The following HIPK2 variants were observed in gnomAD, a reference collection of about 807,000 sequenced individuals.
HIPK2 encodes homeodomain-interacting protein kinase 2.
A neutral mutation model predicts 113.7 loss-of-function variants in HIPK2; 27 were observed. The observed-to-expected ratio is 0.24, with a 90% confidence interval of 0.17 to 0.33. The LOEUF (loss-of-function observed/expected upper bound fraction) is 0.33, where lower values mean the gene tolerates loss of function less well. Among genes scored for constraint, HIPK2 ranks in the 10% least tolerant of loss-of-function variants. The pLI is 1.00. For missense variants in HIPK2, 1,257 were observed against 1,588.0 expected (o/e 0.79, Z 3.54); for synonymous variants, 631 against 642.2 (o/e 0.98, Z 0.26).
chr7:139,741,397 CATT>C (rs1796095583), intron 1 of HIPK2, among the ~76,000 whole-genome samples: 1 of 152,202 alleles, frequency 6.6e-6, no homozygotes, highest in African/African-American at 2.4e-5. Context: ...CCTCTTGCAA[CATT>C]TCACTTGTCC....
At chr7:139,753,561 T>G (rs1255061008) in intron 1 of HIPK2, among the ~76,000 whole-genome samples, 3 of 152,196 alleles carry the variant, frequency 2.0e-5, no homozygotes, top group African/African-American at 7.2e-5. Flanking sequence ...ATCTTTCAGC[T>G]CAGAGTGCAT....
At chr7:139,626,570 C>G (rs1175532989) in intron 6 of HIPK2, 31 bp downstream of exon 6, 1 of 1,598,900 alleles carries the variant, frequency 6.3e-7, no homozygotes, top group Non-Finnish European at 8.5e-7. Flanking sequence ...TTTGCCGATC[C>G]CTGGTACGAA....
At chr7:139,633,854 A>C (rs1800708763) in intron 2 of HIPK2, among the ~76,000 whole-genome samples, 1 of 151,976 alleles carries the variant, frequency 6.6e-6, no homozygotes, top group Non-Finnish European at 1.5e-5. Context: ...CTGAGGCATG[A>C]GAATCGCTTG....
chr7:139,606,220 T>C (rs1799611200), intron 9 of HIPK2, among the ~76,000 whole-genome samples: 1 of 152,238 alleles, frequency 6.6e-6, no homozygotes. Flanking sequence ...TAATGGATAT[T>C]GTGTGCCAAA....
At chr7:139,608,886 T>C (rs996596740) in intron 9 of HIPK2, among the ~76,000 whole-genome samples, 1 of 152,218 alleles carries the variant, frequency 6.6e-6, no homozygotes, top group African/African-American at 2.4e-5. Context: ...AGCCAACAGT[T>C]TGTTTTCAGG....
At chr7:139,772,152 C>T (rs947887862) in intron 1 of HIPK2, among the ~76,000 whole-genome samples, 1 of 152,212 alleles carries the variant, frequency 6.6e-6, no homozygotes, top group Non-Finnish European at 1.5e-5. Flanking sequence ...TCTTTTTCCA[C>T]AATTCCCTGA....
At chr7:139,726,791 T>C (rs533274897) in intron 1 of HIPK2, among the ~76,000 whole-genome samples, 8 of 152,194 alleles carry the variant, frequency 5.3e-5, no homozygotes, top group Non-Finnish European at 7.4e-5. Context: ...AACTAGTTCA[T>C]GGGTAAGGCC....
At chr7:139,737,793 A>G (rs1795979092) in intron 1 of HIPK2, among the ~76,000 whole-genome samples, 1 of 152,222 alleles carries the variant, frequency 6.6e-6, no homozygotes, top group African/African-American at 2.4e-5. Flanking sequence ...GAAAAAAGAA[A>G]AACAGTGCGG....
chr7:139,646,176 A>G (rs1257268313), intron 2 of HIPK2, among the ~76,000 whole-genome samples: 1 of 152,098 alleles, frequency 6.6e-6, no homozygotes, highest in Non-Finnish European at 1.5e-5. Context: ...AGACAGAGGG[A>G]CGCGACCCAC....
At chr7:139,597,022 C>T in intron 11 of HIPK2, 24 bp from the exon 12 acceptor site, 3 of 1,573,958 alleles carry the variant, frequency 1.9e-6, no homozygotes, top group Non-Finnish European at 2.6e-6. Context: ...ACCACACTCT[C>T]ACACAGAGGA....
chr7:139,775,652 T>C (rs1796726835), intron 1 of HIPK2, among the ~76,000 whole-genome samples: 1 of 152,142 alleles, frequency 6.6e-6, no homozygotes, highest in East Asian at 1.9e-4. Context: ...AAACAGTTCA[T>C]GAGACTTTTG....
At chr7:139,639,920 T>C (rs1339908264) in intron 2 of HIPK2, among the ~76,000 whole-genome samples, 1 of 152,114 alleles carries the variant, frequency 6.6e-6, no homozygotes, top group Non-Finnish European at 1.5e-5. Context: ...GATCATCACA[T>C]GTCGGTTGCT....
At chr7:139,584,105 G>C (rs149071847) in intron 12 of HIPK2, 41 bp from the exon 13 acceptor site, 5 of 1,546,524 alleles carry the variant, frequency 3.2e-6, no homozygotes, top group African/African-American at 1.4e-5. Context: ...GGAGAAGGCC[G>C]TGAGGTGAGA....
chr7:139,624,647 A>C (rs1352408487), intron 6 of HIPK2, among the ~76,000 whole-genome samples: 4 of 152,096 alleles, frequency 2.6e-5, no homozygotes, highest in Non-Finnish European at 5.9e-5. Flanking sequence ...TGACCAGAAC[A>C]CCACGTTTAC....
At position 139,563,662 on chromosome 7, in the gene HIPK2, A is replaced by T. The variant is rs562334729; in HGVS notation, c.*9265T>A. 1.0e-5 allele frequency: 4 copies of T among 396,744 alleles called. No homozygotes were observed. The highest frequency in any genetic ancestry group is 8.2e-5 in the African/African-American group (4 of 48,742). 24.6% of individuals were successfully genotyped at this position (396,744 alleles called of 1,614,324 possible). ...ACAGCAACACCACCACACAAACAGG[A>T]AAGTGGGAGTATGATTAGGAGGGGT... is the stretch of plus-strand genomic sequence containing the variant. On this transcript the variant is annotated 3_prime_UTR_variant, in exon 15 of 15. Transcript: ENST00000406875.
Position 139,570,374 on chromosome 7 carries a change from GCGCTT to G in HIPK2, c.*2548_*2552del, listed in dbSNP as rs1461938559. On this transcript the variant is annotated 3_prime_UTR_variant, in exon 15 of 15. Coordinates refer to ENST00000406875, the MANE Select transcript of HIPK2 (RefSeq NM_022740.5). The stretch of plus-strand genomic sequence containing the variant: ...CATTGTCCTGCTGTCTCAGAGGGCT[GCGCTT>G]CCCCACCTCCAGATAAAGACAGTAT... The G allele has an allele frequency of 6.6e-6, 1 of 152,186 alleles. No homozygotes were observed. The highest frequency in any genetic ancestry group is 1.5e-5 in the Non-Finnish European group (1 of 68,072). The allele number at this position is 152,186 out of a possible 1,614,324, so 9.4% of individuals were successfully genotyped here.
chr7:139,591,014 T>A (rs1302261911), intron 12 of HIPK2, among the ~76,000 whole-genome samples: 2 of 152,116 alleles, frequency 1.3e-5, no homozygotes, highest in African/African-American at 2.4e-5. Flanking sequence ...CTGGGGAATT[T>A]AAAAAAATTT....
chr7:139,744,858 G>A (rs778418232), intron 1 of HIPK2, among the ~76,000 whole-genome samples: 6 of 152,154 alleles, frequency 3.9e-5, no homozygotes, highest in Non-Finnish European at 7.3e-5. Flanking sequence ...ACTGCAGAAC[G>A]GTTCCTCTGG....
chr7:139,606,423 C>T (rs1343257073), intron 9 of HIPK2, among the ~76,000 whole-genome samples: 1 of 152,114 alleles, frequency 6.6e-6, no homozygotes. Context: ...GCCTTCTTTA[C>T]ACTCAACTAA....
Sources: allele counts gnomAD v4.1 joint callset (sites outside exome capture counted in the v4.1 genomes callset), GRCh38; gene constraint gnomAD v4.1.1; transcripts MANE v1.5; gene names NCBI Gene and HGNC (gene_info 2026-07-23, HGNC 2026-07-21).